Variants in ARCN1 observed in about 807,000 individuals in gnomAD.
The protein encoded by ARCN1 is archain 1 coat protein complex I subunit delta, also known as coatomer subunit delta.
In ARCN1, 5 loss-of-function variants were observed where a neutral mutation model predicts 60.4. That is an observed-to-expected ratio of 0.08 (90% CI 0.04 to 0.17). The LOEUF (loss-of-function observed/expected upper bound fraction) is 0.17. ARCN1 is among the 10% of genes least tolerant of loss of function. The pLI is 1.00. For missense variants in ARCN1, 464 were observed against 626.5 expected (o/e 0.74, Z 2.77); for synonymous variants, 224 against 220.0 (o/e 1.02, Z -0.16).
intron 1 of ARCN1, chr11:118,573,512 C>T: frequency 1.8e-6 from 1 of 541,494 alleles, no homozygotes; most frequent in Non-Finnish European, 3.3e-6. Context: ...AAGTAGTAGA[C>T]ATTCTTTGGT....
chr11:118,586,073 T>C (rs1555075462), intron 5 of ARCN1, among the ~76,000 whole-genome samples: 6 of 152,096 alleles, frequency 3.9e-5, no homozygotes, highest in Non-Finnish European at 8.8e-5. Context: ...AAGAGGAGTA[T>C]TTACTCTTTT....
chr11:118,589,550 C>A (rs1938851217), intron 5 of ARCN1, among the ~76,000 whole-genome samples: 1 of 152,118 alleles, frequency 6.6e-6, no homozygotes, highest in Non-Finnish European at 1.5e-5. Context: ...CCACCTCAGC[C>A]TCCTGAGTAG....
chr11:118,583,749 A>G, intron 3 of ARCN1, 60 bp from the exon 4 acceptor site: 1 of 1,564,038 alleles, frequency 6.4e-7, no homozygotes, highest in Non-Finnish European at 8.7e-7. Flanking sequence ...ACAGAGTGAG[A>G]CCCTGTCTCA....
chr11:118,590,577 C>A, intron 6 of ARCN1, 71 bp downstream of exon 6: 1 of 1,497,904 alleles, frequency 6.7e-7, no homozygotes, highest in East Asian at 2.3e-5. Context: ...AACTAGAGTT[C>A]CCAATATGAA....
chr11:118,575,411 G>GGTGTGTGTGTGTGTGT lies in ARCN1; in HGVS notation c.3+2872_3+2887dup, dbSNP rs56934953. 5.8e-3 allele frequency among the ~76,000 whole-genome samples: 863 copies of GGTGTGTGTGTGTGTGT among 149,176 alleles called. 4 individuals carry two copies. Among genetic ancestry groups the GGTGTGTGTGTGTGTGT allele is most frequent in the African/African-American group, 0.02 (816 of 40,742 alleles). On this transcript the variant is annotated intron_variant, in intron 1 of 9. Transcript: ENST00000264028. ...AAGTTCACTGCAGAAACTGATAACG[G>GGTGTGTGTGTGTGTGT]GTGTGTGTGTGTGTGTGTGTGTGTG... is the stretch of plus-strand genomic sequence containing the variant.
chr11:118,590,631 C>T (rs999970681), intron 6 of ARCN1, 125 bp downstream of exon 6: 38 of 999,222 alleles, frequency 3.8e-5, no homozygotes, highest in South Asian at 8.3e-5. Flanking sequence ...TCACTCTAAA[C>T]GCTTAGGAAA....
intron 2 of ARCN1, 33 bp from the exon 3 acceptor site, chr11:118,583,146 A>G (rs782653433): frequency 6.2e-7 from 1 of 1,607,600 alleles, no homozygotes; most frequent in Admixed American, 1.7e-5. Context: ...GATAAATTCT[A>G]AATCTTTCTT....
intron 1 of ARCN1, 22 bp from the exon 2 acceptor site, chr11:118,581,219 ACTTAC>A (rs1555074514): frequency 1.2e-6 from 2 of 1,611,512 alleles, no homozygotes; most frequent in Admixed American, 1.7e-5. Flanking sequence ...AATAATTAGT[ACTTAC>A]TTATGCATAT....
At chr11:118,579,003 T>C (rs1201899128) in intron 1 of ARCN1, among the ~76,000 whole-genome samples, 1 of 151,356 alleles carries the variant, frequency 6.6e-6, no homozygotes, top group Non-Finnish European at 1.5e-5. Flanking sequence ...ACATCATGAA[T>C]ATATGTGCTA....
chr11:118,575,274 G>T (rs1402823277), intron 1 of ARCN1, among the ~76,000 whole-genome samples: 2 of 152,224 alleles, frequency 1.3e-5, no homozygotes, highest in African/African-American at 4.8e-5. Context: ...CATGGCGCCC[G>T]GCCCCTGTAT....
At chr11:118,595,884 A>G (rs1939014453) in intron 8 of ARCN1, among the ~76,000 whole-genome samples, 1 of 152,070 alleles carries the variant, frequency 6.6e-6, no homozygotes, top group African/African-American at 2.4e-5. Context: ...TGGCTAACAC[A>G]GTGAAACCCC....
rs773412345 is a variant in ARCN1 at position 118,590,479 on chromosome 11, T to G, written c.957T>G (p.Asn319Lys). 8.1e-6 allele frequency: 13 copies of G among 1,614,000 alleles called. No homozygotes were observed. Among genetic ancestry groups the G allele is most frequent in the Admixed American group, 1.7e-5 (1 of 59,984 alleles). ...GCCGAATTCGTCTTCATGTGGAAAATGAAGATAAGAAAGGGGTGCAGCTAC... is the reference window on the plus strand; with the variant it reads ...GCCGAATTCGTCTTCATGTGGAAAAGGAAGATAAGAAAGGGGTGCAGCTAC... The part of the protein sequence containing the change: ...KYGRIRLHVE[N>K]EDKKGVQLQT... The change falls in exon 6 of 10, where the codon AAT becomes AAG. Residue 319 changes from asparagine (N) to lysine (K), a missense_variant. Physicochemically the swap from Asn to Lys is moderately conservative, Grantham distance 94. This residue lies in a region of ARCN1 where 359 missense variants were observed against 440.2 expected (regional missense o/e 0.82). Coordinates refer to ENST00000264028, the MANE Select transcript of ARCN1 (RefSeq NM_001655.5).
chr11:118,573,359 A>G (rs1591377708), intron 1 of ARCN1, among the ~76,000 whole-genome samples: 1 of 152,170 alleles, frequency 6.6e-6, no homozygotes, highest in East Asian at 1.9e-4. Context: ...CTCCGAGACC[A>G]GTTACTTGCC....
chr11:118,601,554 GA>G lies in ARCN1; in HGVS notation c.*842del. ...GCATTATATTTATTTGGCACTCCTG[GA>G]ACAAGTATATCTAACCCATTCTTGA... On this transcript the variant is annotated 3_prime_UTR_variant, in exon 10 of 10. Transcript: ENST00000264028. 1 of 683,182 alleles carries G rather than the reference GA, an allele frequency of 1.5e-6. No homozygotes were observed. The highest frequency in any genetic ancestry group is 2.7e-6 in the Non-Finnish European group (1 of 374,662). 42.3% of individuals were successfully genotyped at this position (683,182 alleles called of 1,614,324 possible).
Position 118,572,446 on chromosome 11 carries a change from AG to A in ARCN1, c.-97del. The A allele has an allele frequency of 8.1e-7, 1 of 1,227,896 alleles. No individual in the cohort carries two copies. Among genetic ancestry groups the A allele is most frequent in the Non-Finnish European group, 1.1e-6 (1 of 896,812 alleles). 76.1% of individuals were successfully genotyped at this position (1,227,896 alleles called of 1,614,324 possible). Reference sequence around the variant, plus strand: ...GGCGAAGCGGCAGCGGTTCCTGTCAAGGGGGCAGCAGGTCCAGAGCTGCTGG... The same window carrying A: ...GGCGAAGCGGCAGCGGTTCCTGTCAAGGGGCAGCAGGTCCAGAGCTGCTGG... On this transcript the variant is annotated 5_prime_UTR_variant, in exon 1 of 10. Coordinates refer to ENST00000264028, the MANE Select transcript of ARCN1 (RefSeq NM_001655.5).
Position 118,600,766 on chromosome 11 carries a change from G to A in ARCN1, c.*52G>A, listed in dbSNP as rs1555077987. ...AAATTTTCAGATTAATAAAGAAGAC[G>A]CCAATGATGGCTGAAGAGTTTTTCC... On this transcript the variant is annotated 3_prime_UTR_variant, in exon 10 of 10. Transcript: ENST00000264028. 2.4e-6 allele frequency: 3 copies of A among 1,247,324 alleles called. No homozygotes were observed. The highest frequency in any genetic ancestry group is 3.4e-6 in the Non-Finnish European group (3 of 872,746). 77.3% of individuals were successfully genotyped at this position (1,247,324 alleles called of 1,614,324 possible).
chr11:118,588,974 C>T (rs933414891), intron 5 of ARCN1, among the ~76,000 whole-genome samples: 1 of 148,018 alleles, frequency 6.8e-6, no homozygotes, highest in Non-Finnish European at 1.5e-5. Flanking sequence ...GCCGAGATCA[C>T]GCCATTGCAC....
rs143787981 is a variant in ARCN1, at chr11:118,581,835, GAC to G, written c.267+341_267+342del. Among the ~76,000 whole-genome samples the G allele has an allele frequency of 5.6e-4, 84 of 150,824 alleles. 1 individual carries two copies. The highest frequency in any genetic ancestry group is 7.5e-4 in the Non-Finnish European group (51 of 67,684). On this transcript the variant is annotated intron_variant, in intron 2 of 9. Transcript: ENST00000264028. ...GGTAAGACTTACTGATCCAGAGACA[GAC>G]ACACACACACACACCCCTCTTCTAA...
At position 118,596,769 on chromosome 11, in the gene ARCN1, G is replaced by A. The variant is rs114049860; in HGVS notation, c.1242-938G>A. Among the ~76,000 whole-genome samples, 651 of 152,178 alleles carry A rather than the reference G, an allele frequency of 4.3e-3. 1 individual carries two copies. The highest frequency in any genetic ancestry group is 5.9e-3 in the Non-Finnish European group (404 of 67,998). On this transcript the variant is annotated intron_variant, in intron 8 of 9. Transcript: ENST00000264028. ...TCTCTCGCAGATTAAGGACAACTAC[G>A]GATCTGTTTCTCCCATCATGTTTCC...
Sources: gnomAD v4.1 joint callset for allele counts (sites outside exome capture counted in the v4.1 genomes callset) on GRCh38, gnomAD v4.1.1 for gene constraint, gnomAD v4.1.1 regional missense constraint, MANE v1.5 for transcripts, NCBI Gene and HGNC (gene_info 2026-07-23, HGNC 2026-07-21) for gene names.